Variants in FAM199X observed in about 807,000 individuals in gnomAD.
The protein encoded by FAM199X is family with sequence similarity 199, X-linked.
A neutral mutation model predicts 22.9 loss-of-function variants in FAM199X; 4 were observed. The ratio of observed to expected loss-of-function variants is 0.17; its 90% CI spans 0.09 to 0.40. The LOEUF is 0.40. FAM199X is among the 10% of genes least tolerant of loss of function. FAM199X has a pLI of 1.00. For synonymous variants in FAM199X, 101 were observed against 112.3 expected (o/e 0.90, Z 0.64); for missense variants, 183 against 306.8 (o/e 0.60, Z 3.01).
chrX:104,169,341 A>T (rs1245615033), intron 1 of FAM199X, among the ~76,000 whole-genome samples: 1 of 112,211 alleles, frequency 8.9e-6, no homozygotes, highest in East Asian at 2.8e-4. Context: ...GGAAGTAGGA[A>T]GCTTGTTAAT....
intron 5 of FAM199X, among the ~76,000 whole-genome samples, 154 bp downstream of exon 5, chrX:104,188,460 A>G (rs782206033): frequency 1.7e-4 from 19 of 112,060 alleles, no homozygotes; most frequent in Non-Finnish European, 2.4e-4. Flanking sequence ...CTGTTGAACA[A>G]AGCACTCTAG....
At chrX:104,163,748 A>G (rs1333170539), upstream of FAM199X, among the ~76,000 whole-genome samples, 1 of 101,741 alleles carries the variant, frequency 9.8e-6, no homozygotes, top group Non-Finnish European at 2.0e-5. Flanking sequence ...ACTTACTGCA[A>G]CCTCCACCTG....
upstream of FAM199X, among the ~76,000 whole-genome samples, chrX:104,165,757 CAAG>C (rs1392966145): frequency 9.0e-6 from 1 of 110,926 alleles, no homozygotes; most frequent in Non-Finnish European, 1.9e-5. Flanking sequence ...TCAAGTTGAA[CAAG>C]TTAAGCTCCA....
At chrX:104,178,701 G>A (rs1319411489) in intron 2 of FAM199X, among the ~76,000 whole-genome samples, 1 of 112,065 alleles carries the variant, frequency 8.9e-6, no homozygotes, top group African/African-American at 3.2e-5. Flanking sequence ...TCATAGATGT[G>A]TGGGTTTATT....
rs1482394711 is a variant in FAM199X, at chrX:104,194,673, A to T, written c.*4895A>T. The T allele has an allele frequency of 1.8e-5, 2 of 112,229 alleles. No individual in the cohort carries two copies. Among genetic ancestry groups the T allele is most frequent in the African/African-American group, 6.5e-5 (2 of 30,984 alleles). The allele number at this position is 112,229 out of a possible 1,213,427, so 9.2% of individuals were successfully genotyped here. Reference sequence around the variant, plus strand: ...CCTTTGTGTTGGGAATTTAAGGACTATTGTCAAAGGCTATTAATGGTAAAC... The same window carrying T: ...CCTTTGTGTTGGGAATTTAAGGACTTTTGTCAAAGGCTATTAATGGTAAAC... On this transcript the variant is annotated 3_prime_UTR_variant, in exon 6 of 6. Coordinates refer to ENST00000493442, the MANE Select transcript of FAM199X (RefSeq NM_207318.4).
At chrX:104,170,251 T>C (rs1356563996) in intron 1 of FAM199X, among the ~76,000 whole-genome samples, 1 of 112,165 alleles carries the variant, frequency 8.9e-6, no homozygotes, top group Non-Finnish European at 1.9e-5. Context: ...AAGACTATTG[T>C]GTGCCTTTGG....
chrX:104,168,356 G>A (rs1344032183), intron 1 of FAM199X, among the ~76,000 whole-genome samples: 1 of 112,243 alleles, frequency 8.9e-6, no homozygotes, highest in Non-Finnish European at 1.9e-5. Context: ...TAAACTTGGA[G>A]CAGAACTAAT....
At chrX:104,163,074 G>A (rs1348320050), upstream of FAM199X, among the ~76,000 whole-genome samples, 3 of 105,066 alleles carry the variant, frequency 2.9e-5, no homozygotes, top group Admixed American at 1.0e-4. Context: ...GGTTTTGTTG[G>A]TGATATTTGA....
rs1341444649 is a variant in FAM199X at position 104,193,975 on chromosome X, C to A, written c.*4197C>A. On this transcript the variant is annotated 3_prime_UTR_variant, in exon 6 of 6. Coordinates refer to ENST00000493442, the MANE Select transcript of FAM199X (RefSeq NM_207318.4). ...AGCCTTAGAAGGAATTCTGAAAATTCTTCTAACTGGCCATTAAGAGTAAGG... is the reference window on the plus strand; with the variant it reads ...AGCCTTAGAAGGAATTCTGAAAATTATTCTAACTGGCCATTAAGAGTAAGG... The A allele has an allele frequency of 4.5e-5, 5 of 111,416 alleles. No homozygotes were observed. Among genetic ancestry groups the A allele is most frequent in the Non-Finnish European group, 9.5e-5 (5 of 52,862 alleles). 9.2% of individuals were successfully genotyped at this position (111,416 alleles called of 1,213,427 possible).
intron 2 of FAM199X, among the ~76,000 whole-genome samples, chrX:104,182,032 C>T (rs1408027610): frequency 1.0e-5 from 1 of 98,961 alleles, no homozygotes; most frequent in African/African-American, 4.0e-5. Flanking sequence ...CTGTCGTCCA[C>T]GCTGGAGGTG....
At position 104,173,916 on chromosome X, in the gene FAM199X, C is replaced by T. The variant is rs1258528109; in HGVS notation, c.198-1707C>T. ...ATTAGCACATAGGAAAACACCATAG[C>T]GAAATAGCTAATGAATATTTAAAAA... is the stretch of plus-strand genomic sequence containing the variant. On this transcript the variant is annotated intron_variant, in intron 1 of 5. Coordinates refer to ENST00000493442, the MANE Select transcript of FAM199X (RefSeq NM_207318.4). Among the ~76,000 whole-genome samples, 3 of 111,737 alleles carry T rather than the reference C, an allele frequency of 2.7e-5. No homozygotes were observed. The Admixed American group carries it at 2.9e-4, about 11-fold the overall frequency.
chrX:104,180,071 G>A (rs375893575), intron 2 of FAM199X, among the ~76,000 whole-genome samples: 20 of 105,238 alleles, frequency 1.9e-4, no homozygotes, highest in African/African-American at 7.0e-4. Flanking sequence ...TTGACCTCCT[G>A]GGCTCAAGCA....
chrX:104,173,623 T>C (rs1556375834), intron 1 of FAM199X, among the ~76,000 whole-genome samples: 1 of 112,064 alleles, frequency 8.9e-6, no homozygotes, highest in African/African-American at 3.2e-5. Flanking sequence ...ATAACAGACT[T>C]TTCATAAGGA....
At chrX:104,183,088 A>G (rs1389458975) in intron 2 of FAM199X, among the ~76,000 whole-genome samples, 1 of 111,661 alleles carries the variant, frequency 9.0e-6, no homozygotes, top group East Asian at 2.8e-4. Flanking sequence ...CATAAAGAGA[A>G]GTAAAGGTAC....
chrX:104,170,693 G>A (rs1414253707), intron 1 of FAM199X, among the ~76,000 whole-genome samples: 2 of 111,799 alleles, frequency 1.8e-5, no homozygotes, highest in Non-Finnish European at 3.8e-5. Flanking sequence ...GGTGGGATGA[G>A]AGATAGACAT....
At chrX:104,168,053 CCCTT>C (rs1921258592) in intron 1 of FAM199X, among the ~76,000 whole-genome samples, 1 of 111,938 alleles carries the variant, frequency 8.9e-6, no homozygotes, top group African/African-American at 3.2e-5. Context: ...TTTCTCCCCT[CCCTT>C]CCCTTAAATC....
chrX:104,165,866 G>T (rs1443257483), upstream of FAM199X, among the ~76,000 whole-genome samples: 2 of 111,457 alleles, frequency 1.8e-5, no homozygotes, highest in Non-Finnish European at 3.8e-5. Flanking sequence ...GATAACGTTT[G>T]AGCTGGAGTT....
chrX:104,172,894 C>T (rs1556375671), intron 1 of FAM199X, among the ~76,000 whole-genome samples: 1 of 111,545 alleles, frequency 9.0e-6, no homozygotes, highest in African/African-American at 3.3e-5. Flanking sequence ...GGAAAAAAAT[C>T]ACATGTAATT....
At chrX:104,179,077 G>A (rs1335270862) in intron 2 of FAM199X, among the ~76,000 whole-genome samples, 2 of 111,763 alleles carry the variant, frequency 1.8e-5, no homozygotes, top group Non-Finnish European at 3.8e-5. Context: ...TTACAGTGAG[G>A]TGAGATTGCG....
Sources: gnomAD v4.1 joint callset for allele counts (sites outside exome capture counted in the v4.1 genomes callset) on GRCh38, gnomAD v4.1.1 for gene constraint, MANE v1.5 for transcripts, NCBI Gene and HGNC (gene_info 2026-07-23, HGNC 2026-07-21) for gene names.